The following GRID2 variants were observed in gnomAD, a reference collection of about 807,000 sequenced individuals.
GRID2 encodes the protein glutamate receptor ionotropic, delta-2.
In GRID2, 33 loss-of-function variants were observed where a neutral mutation model predicts 114.8. The observed-to-expected ratio is 0.29, with a 90% CI of 0.22 to 0.38. The LOEUF (loss-of-function observed/expected upper bound fraction) is 0.38, where lower values mean the gene tolerates loss of function less well. Among genes scored for constraint, GRID2 ranks in the 10% least tolerant of loss-of-function variants. The pLI is 1.00. For synonymous variants in GRID2, 505 were observed against 449.9 expected, an observed-to-expected ratio of 1.12 and a Z score of -1.55; for missense variants, 1,184 against 1,257.7, an observed-to-expected ratio of 0.94 and a Z score of 0.89.
intron 2 of GRID2, among the ~76,000 whole-genome samples, chr4:92,633,126 T>C (rs1421746700): frequency 6.6e-6 from 1 of 152,144 alleles, no homozygotes; most frequent in Non-Finnish European, 1.5e-5. Context: ...CCCAGGGCCA[T>C]AAGCTCTTTC....
At chr4:93,350,047 T>C (rs892675019) in intron 8 of GRID2, among the ~76,000 whole-genome samples, 6 of 152,016 alleles carry the variant, frequency 3.9e-5, no homozygotes, top group African/African-American at 1.4e-4. Flanking sequence ...GCTCAGAACA[T>C]TTTACATCTT....
intron 1 of GRID2, among the ~76,000 whole-genome samples, chr4:92,422,869 A>T (rs1731972618): frequency 6.6e-6 from 1 of 152,192 alleles, no homozygotes; most frequent in South Asian, 2.1e-4. Flanking sequence ...TCTTTGTTTT[A>T]AACTATAAAC....
At chr4:93,344,173 A>G (rs1193578253) in intron 8 of GRID2, among the ~76,000 whole-genome samples, 5 of 152,108 alleles carry the variant, frequency 3.3e-5, no homozygotes, top group Non-Finnish European at 5.9e-5. Flanking sequence ...TCACCCTGAT[A>G]GCCCTTACAA....
At chr4:93,172,319 G>A (rs927581400) in intron 4 of GRID2, among the ~76,000 whole-genome samples, 3 of 152,070 alleles carry the variant, frequency 2.0e-5, no homozygotes, top group Non-Finnish European at 4.4e-5. Context: ...TTGGCCAGGC[G>A]CGGTGGCTCA....
intron 2 of GRID2, among the ~76,000 whole-genome samples, chr4:92,896,391 T>C (rs1400881377): frequency 6.6e-6 from 1 of 152,152 alleles, no homozygotes; most frequent in African/African-American, 2.4e-5. Context: ...TGGTTGATAA[T>C]TGTTTCGCTA....
At chr4:93,123,114 AGACCCAAATTACCGCTCTTGT>A (rs1733947078) in intron 4 of GRID2, among the ~76,000 whole-genome samples, 8 of 152,174 alleles carry the variant, frequency 5.3e-5, no homozygotes, top group Admixed American at 4.6e-4. Context: ...CAAATAAAAC[AGACCCAAATTACCGCTCTTGT>A]GACCACTGAC....
At chr4:93,014,280 C>A (rs1408413105) in intron 2 of GRID2, among the ~76,000 whole-genome samples, 1 of 152,050 alleles carries the variant, frequency 6.6e-6, no homozygotes, top group Non-Finnish European at 1.5e-5. Flanking sequence ...ATGCCATCAT[C>A]TTCAGGAATA....
At chr4:92,522,526 A>G (rs1724838931) in intron 1 of GRID2, among the ~76,000 whole-genome samples, 1 of 152,016 alleles carries the variant, frequency 6.6e-6, no homozygotes. Flanking sequence ...CACAAAGTGC[A>G]AAGGTGGAAG....
chr4:93,606,098 C>G (rs1442947057), intron 13 of GRID2, among the ~76,000 whole-genome samples: 1 of 152,042 alleles, frequency 6.6e-6, no homozygotes, highest in African/African-American at 2.4e-5. Context: ...GATACCCCAT[C>G]TCTACTAAAA....
intron 2 of GRID2, among the ~76,000 whole-genome samples, chr4:92,647,131 G>A (rs1331735119): frequency 6.6e-6 from 1 of 152,164 alleles, no homozygotes; most frequent in African/African-American, 2.4e-5. Context: ...ATAATGGTGT[G>A]ATCCTGTATA....
intron 2 of GRID2, among the ~76,000 whole-genome samples, chr4:92,938,400 T>A (rs1160100243): frequency 6.8e-6 from 1 of 146,564 alleles, no homozygotes; most frequent in Non-Finnish European, 1.5e-5. Context: ...ATGCAGTCAA[T>A]TGAAATTCCC....
chr4:92,479,583 T>C (rs1194317026), intron 1 of GRID2, among the ~76,000 whole-genome samples: 1 of 152,148 alleles, frequency 6.6e-6, no homozygotes, highest in Non-Finnish European at 1.5e-5. Context: ...GAGGCACAGA[T>C]ACATTCATTA....
At chr4:93,728,923 G>T (rs187708152) in intron 14 of GRID2, among the ~76,000 whole-genome samples, 11 of 152,194 alleles carry the variant, frequency 7.2e-5, no homozygotes, top group African/African-American at 2.6e-4. Context: ...ACACTGATGG[G>T]TATTGACTCT....
chr4:92,453,087 T>C (rs144089701), intron 1 of GRID2, among the ~76,000 whole-genome samples: 109 of 151,842 alleles, frequency 7.2e-4, no homozygotes, highest in African/African-American at 2.5e-3. Context: ...TTAAATCATG[T>C]CCTCTAAAGA....
At chr4:93,434,804 T>C (rs1298081194) in intron 10 of GRID2, among the ~76,000 whole-genome samples, 1 of 152,178 alleles carries the variant, frequency 6.6e-6, no homozygotes, top group African/African-American at 2.4e-5. Context: ...GTCTACATAA[T>C]CTGCCCAATC....
intron 2 of GRID2, among the ~76,000 whole-genome samples, chr4:92,655,486 T>C (rs566233066): frequency 6.6e-6 from 1 of 152,048 alleles, no homozygotes; most frequent in African/African-American, 2.4e-5. Flanking sequence ...ATGTGGTCAT[T>C]TTAATTATTT....
intron 13 of GRID2, among the ~76,000 whole-genome samples, chr4:93,545,271 G>A (rs1341756489): frequency 1.3e-5 from 2 of 152,156 alleles, no homozygotes; most frequent in East Asian, 1.9e-4. Context: ...AGATAAGACT[G>A]GGAGGAACTA....
chr4:92,903,426 G>A (rs1202111583), intron 2 of GRID2, among the ~76,000 whole-genome samples: 1 of 151,798 alleles, frequency 6.6e-6, no homozygotes, highest in Admixed American at 6.6e-5. Context: ...CTCTTTGTCA[G>A]ACTTAATCTT....
chr4:93,178,588 A>G (rs919490236), intron 4 of GRID2, among the ~76,000 whole-genome samples: 6 of 151,310 alleles, frequency 4.0e-5, no homozygotes, highest in African/African-American at 1.5e-4. Context: ...GGATCTCTCT[A>G]TGTTGCCCAG....
Sources: gnomAD v4.1 joint callset for allele counts (sites outside exome capture counted in the v4.1 genomes callset) on GRCh38, gnomAD v4.1.1 for gene constraint, MANE v1.5 for transcripts, NCBI Gene and HGNC (gene_info 2026-07-23, HGNC 2026-07-21) for gene names.